Variants in PCDH15 observed in about 807,000 individuals in gnomAD.
PCDH15 encodes the protein protocadherin related 15.
PCDH15 carries 129 observed loss-of-function variants against 178.5 expected under a neutral mutation model. That is an observed-to-expected ratio of 0.72 (90% confidence interval 0.63 to 0.84). The LOEUF (loss-of-function observed/expected upper bound fraction) is 0.84, where lower values mean the gene tolerates loss of function less well. Ranked by LOEUF, PCDH15 falls within the 40% of genes least tolerant of loss-of-function variation. The pLI is 0.00. For missense variants in PCDH15, 2,230 were observed against 2,099.9 expected (o/e 1.06, Z -1.21); for synonymous variants, 800 against 732.0 (o/e 1.09, Z -1.50).
At position 54,195,782 on chromosome 10, in the gene PCDH15, G is replaced by A; in HGVS notation, c.1206C>T (p.Gly402=). ...SPYFTMPSYQ[G]YILESAPVGA... ...CCACTGGGGCAGATTCCAGGATATA[G>A]CCTTGATAACTGGGCATTGTAAAAT... The change falls in exon 11 of 38, where the codon GGC becomes GGT. Residue 402 remains glycine, a synonymous_variant. Transcript: ENST00000644397. 6.2e-7 allele frequency: 1 copy of A among 1,613,972 alleles called. No homozygotes were observed. The highest frequency in any genetic ancestry group is 8.5e-7 in the Non-Finnish European group (1 of 1,179,864).
intron 1 of PCDH15, among the ~76,000 whole-genome samples, chr10:54,758,733 C>A (rs1947487572): frequency 6.6e-6 from 1 of 152,076 alleles, no homozygotes; most frequent in South Asian, 2.1e-4. Context: ...AAAACCTAAC[C>A]AATTGAACTT....
In PCDH15 at chr10:54,170,517, T is replaced by C. The variant is rs550138798; in HGVS notation, c.1590+12927A>G. On this transcript the variant is annotated intron_variant, in intron 13 of 37. Coordinates refer to ENST00000644397, the MANE Select transcript of PCDH15 (RefSeq NM_001384140.1). Reference sequence around the variant, plus strand: ...AACCTATTTTCTTCCTCATACCTGATGCATATACTTTCTGCTTCCCAGCTC... The same window carrying C: ...AACCTATTTTCTTCCTCATACCTGACGCATATACTTTCTGCTTCCCAGCTC... Among the ~76,000 whole-genome samples, 376 of 151,736 alleles carry C rather than the reference T, an allele frequency of 2.5e-3. 3 individuals carry two copies. The highest frequency in any genetic ancestry group is 8.5e-3 in the African/African-American group (348 of 41,074).
intron 1 of PCDH15, among the ~76,000 whole-genome samples, chr10:55,237,888 C>T (rs1266679921): frequency 1.3e-5 from 2 of 151,394 alleles, no homozygotes; most frequent in African/African-American, 2.4e-5. Flanking sequence ...TCAGGATGTA[C>T]AATATTAAAT....
intron 17 of PCDH15, among the ~76,000 whole-genome samples, chr10:54,076,797 T>C (rs1226470464): frequency 6.6e-6 from 1 of 152,072 alleles, no homozygotes; most frequent in Non-Finnish European, 1.5e-5. Context: ...CATTTTGAGA[T>C]GGTAGAAAAC....
intron 1 of PCDH15, among the ~76,000 whole-genome samples, chr10:54,666,588 GA>G (rs998011756): frequency 2.6e-5 from 4 of 151,250 alleles, no homozygotes; most frequent in African/African-American, 9.7e-5. Context: ...TTTTTATTTG[GA>G]AAAACAAACA....
intron 2 of PCDH15, among the ~76,000 whole-genome samples, chr10:55,154,075 C>T (rs941481794): frequency 5.3e-5 from 8 of 152,048 alleles, no homozygotes; most frequent in African/African-American, 1.4e-4. Flanking sequence ...TACAATTTTC[C>T]TATTATACAG....
intron 2 of PCDH15, among the ~76,000 whole-genome samples, chr10:55,604,106 T>TA (rs1843150783): frequency 9.7e-6 from 1 of 103,146 alleles, no homozygotes; most frequent in Non-Finnish European, 1.9e-5. Context: ...TAGTCTCTGA[T>TA]AAAACAGACT....
At chr10:54,526,078 T>G (rs749251796) in intron 3 of PCDH15, among the ~76,000 whole-genome samples, 1 of 152,172 alleles carries the variant, frequency 6.6e-6, no homozygotes, top group Non-Finnish European at 1.5e-5. Context: ...GTCATTTTCT[T>G]CTAAAACACA....
intron 2 of PCDH15, among the ~76,000 whole-genome samples, chr10:55,547,175 G>A (rs533202972): frequency 6.6e-6 from 1 of 152,142 alleles, no homozygotes; most frequent in Non-Finnish European, 1.5e-5. Flanking sequence ...AGATCCCGAA[G>A]TTGCAGCAGC....
chr10:55,367,277 C>A (rs766815942), intron 2 of PCDH15, among the ~76,000 whole-genome samples: 1 of 152,020 alleles, frequency 6.6e-6, no homozygotes, highest in Non-Finnish European at 1.5e-5. Flanking sequence ...GATGATAAAG[C>A]AGCACTCAAA....
rs188800405 is a variant in PCDH15, at chr10:54,157,873, G to C, written c.1591-4580C>G. Among the ~76,000 whole-genome samples, 3 of 152,270 alleles carry C rather than the reference G, an allele frequency of 2.0e-5. No homozygotes were observed. The East Asian group carries it at 5.8e-4, about 29-fold the overall frequency. ...AAGTTCAAAGTTCCACAAATCTCTA[G>C]AGCAGGGGCAAAATGCCACCAGTGT... On this transcript the variant is annotated intron_variant, in intron 13 of 37. Transcript: ENST00000644397.
intron 1 of PCDH15, among the ~76,000 whole-genome samples, chr10:55,216,588 G>A (rs990975811): frequency 2.0e-5 from 3 of 151,728 alleles, no homozygotes; most frequent in African/African-American, 7.3e-5. Context: ...TAGAAGACAG[G>A]TTTTTAATGT....
At chr10:54,376,598 C>T (rs1464862614) in intron 4 of PCDH15, among the ~76,000 whole-genome samples, 1 of 151,196 alleles carries the variant, frequency 6.6e-6, no homozygotes, top group East Asian at 1.9e-4. Context: ...GAGAAGCATA[C>T]AGAAGAAAAA....
chr10:54,096,100 C>T (rs1341117370), intron 15 of PCDH15, among the ~76,000 whole-genome samples: 1 of 152,004 alleles, frequency 6.6e-6, no homozygotes, highest in Non-Finnish European at 1.5e-5. Flanking sequence ...AAATAATTTG[C>T]CAAAGTTTAC....
intron 2 of PCDH15, among the ~76,000 whole-genome samples, chr10:55,547,910 T>TGTGTGTGTGAGAGAGAGAGAGAGAGA (rs541144266): frequency 1.5e-4 from 8 of 54,524 alleles, no homozygotes; most frequent in African/African-American, 2.4e-4. Flanking sequence ...TGTGTGTGTG[T>TGTGTGTGTGAGAGAGAGAGAGAGAGA]GAGAGAGAGA....
chr10:54,176,080 A>C (rs778947701), intron 13 of PCDH15, among the ~76,000 whole-genome samples: 21 of 152,338 alleles, frequency 1.4e-4, no homozygotes, highest in Non-Finnish European at 2.2e-4. Flanking sequence ...AGTGTGTGAT[A>C]GAATTCTTAC....
At position 54,643,664 on chromosome 10, in the gene PCDH15, GTATAGATTCAGAAAAATATTTGA is replaced by G. The variant is rs569387341; in HGVS notation, c.91+20485_91+20507del. On this transcript the variant is annotated intron_variant, in intron 2 of 37. Transcript: ENST00000644397. Reference sequence around the variant, plus strand: ...TCTCTGTTAGAGCAATATGTATTTGGTATAGATTCAGAAAAATATTTGATATAGATTCAGAAAAATATTCCATT... The same window carrying G: ...TCTCTGTTAGAGCAATATGTATTTGGTATAGATTCAGAAAAATATTCCATT... Among the ~76,000 whole-genome samples the G allele has an allele frequency of 5.8e-3, 877 of 151,268 alleles. 7 individuals are homozygous for G. Among genetic ancestry groups the G allele is most frequent in the African/African-American group, 0.02 (828 of 41,130 alleles).
chr10:54,158,364 G>T (rs751227280), intron 13 of PCDH15, among the ~76,000 whole-genome samples: 3 of 152,162 alleles, frequency 2.0e-5, no homozygotes, highest in Admixed American at 6.5e-5. Context: ...AAAGCTATCA[G>T]ATTGTGGGAG....
At chr10:54,712,723 C>T (rs369009670) in intron 1 of PCDH15, among the ~76,000 whole-genome samples, 12 of 151,996 alleles carry the variant, frequency 7.9e-5, no homozygotes, top group African/African-American at 1.7e-4. Context: ...TTAGCACCCC[C>T]TAAGATGATG....
Sources: gnomAD v4.1 joint callset for allele counts (sites outside exome capture counted in the v4.1 genomes callset) on GRCh38, gnomAD v4.1.1 for gene constraint, MANE v1.5 for transcripts, NCBI Gene and HGNC (gene_info 2026-07-23, HGNC 2026-07-21) for gene names.